Variants in FAM135A observed in about 807,000 individuals in gnomAD.
The protein encoded by FAM135A is family with sequence similarity 135 member A.
A neutral mutation model predicts 146.8 loss-of-function variants in FAM135A; 79 were observed. The ratio of observed to expected loss-of-function variants is 0.54; its 90% confidence interval spans 0.45 to 0.65. The LOEUF (loss-of-function observed/expected upper bound fraction) is 0.65, where lower values mean the gene tolerates loss of function less well. FAM135A is among the 30% of genes least tolerant of loss of function. FAM135A has a pLI of 0.00. For synonymous variants in FAM135A, 562 were observed against 603.6 expected, an observed-to-expected ratio of 0.93 and a Z score of 1.01; for missense variants, 1,623 against 1,758.2, an observed-to-expected ratio of 0.92 and a Z score of 1.38.
Position 70,475,534 on chromosome 6 carries a change from A to G in FAM135A, c.282A>G (p.Leu94=). The G allele has an allele frequency of 1.3e-6, 2 of 1,593,960 alleles. No individual in the cohort carries two copies. Among genetic ancestry groups the G allele is most frequent in the South Asian group, 1.2e-5 (1 of 86,540 alleles). The change falls in exon 6 of 22, where the codon CTA becomes CTG. Residue 94 remains leucine (L), a synonymous_variant. Transcript: ENST00000418814. ...TTATGATCTTCAAAGTAAAAATGCT[A>G]TTGGATGAAAGAAAGGTAAACATCT... ...NDVMIFKVKM[L]LDERKIEETL... is the part of the protein sequence containing the mutation.
chr6:70,505,493 C>T lies in FAM135A; in HGVS notation c.1029+2702C>T, dbSNP rs1011917866. On this transcript the variant is annotated intron_variant, in intron 12 of 21. Coordinates refer to ENST00000418814, the MANE Select transcript of FAM135A (RefSeq NM_001162529.3). The stretch of plus-strand genomic sequence containing the variant: ...CAGTTTGGGTTTGTATTATATTTCC[C>T]GGTGATTAGATTAAGATGACACAGT... 4.0e-5 allele frequency among the ~76,000 whole-genome samples: 6 copies of T among 151,640 alleles called. No individual in the cohort carries two copies. The East Asian group carries it at 7.7e-4, about 20-fold the overall frequency.
At chr6:70,417,294 G>C (rs1164978425) in intron 2 of FAM135A, among the ~76,000 whole-genome samples, 2 of 143,982 alleles carry the variant, frequency 1.4e-5, no homozygotes, top group African/African-American at 2.6e-5. Context: ...CCACTGTATT[G>C]CCTCTACCTC....
rs577120406 is a variant in FAM135A, at chr6:70,428,298, A to C, written c.-39-6A>C. On this transcript the variant is annotated splice_region_variant and splice_polypyrimidine_tract_variant and intron_variant, in intron 3 of 21. Transcript: ENST00000418814. Reference sequence around the variant, plus strand: ...TCTCATGATTTTTTCCCTTTCCTTAACAAAGGTGCTGTTATCAGAATAGTC... The same window carrying C: ...TCTCATGATTTTTTCCCTTTCCTTACCAAAGGTGCTGTTATCAGAATAGTC... 7.3e-7 allele frequency: 1 copy of C among 1,378,892 alleles called. No individual in the cohort carries two copies. Among genetic ancestry groups the C allele is most frequent in the East Asian group, 2.5e-5 (1 of 40,592 alleles). 85.4% of individuals were successfully genotyped at this position (1,378,892 alleles called of 1,614,324 possible).
rs746149310 is a variant in FAM135A, at chr6:70,481,022, C to T, written c.664C>T (p.Pro222Ser). The T allele has an allele frequency of 1.9e-6, 3 of 1,594,806 alleles. No homozygotes were observed. The Admixed American group carries it at 5.3e-5, about 28-fold the overall frequency. The change falls in exon 9 of 22, where the codon CCA (proline) becomes TCA (serine). Residue 222 changes from proline to serine, a missense_variant. Around this residue, in one of 7 missense-constraint regions of FAM135A, gnomAD observed 206 missense variants for 194.7 expected, o/e 1.06. Coordinates refer to ENST00000418814, the MANE Select transcript of FAM135A (RefSeq NM_001162529.3). ...FGINYTKQLS[P>S]DGCSFIIADS... ...TATTAACTACACAAAACAGTTATCA[C>T]CAGATGTAAGAACTGAATATGTTTA...
At chr6:70,481,733 A>G (rs1783740165) in intron 9 of FAM135A, among the ~76,000 whole-genome samples, 1 of 152,166 alleles carries the variant, frequency 6.6e-6, no homozygotes, top group Admixed American at 6.6e-5. Flanking sequence ...TCTGTCCTTC[A>G]GTCTAAATGT....
chr6:70,435,099 ATATATATATAT>A (rs1286269221), intron 4 of FAM135A, among the ~76,000 whole-genome samples: 4 of 118,110 alleles, frequency 3.4e-5, no homozygotes, highest in African/African-American at 1.3e-4. Flanking sequence ...ATATATATAT[ATATATATATAT>A]TTTTTTTTTT....
chr6:70,446,381 A>T (rs1775758485), intron 4 of FAM135A, among the ~76,000 whole-genome samples: 1 of 152,124 alleles, frequency 6.6e-6, no homozygotes, highest in South Asian at 2.1e-4. Flanking sequence ...TTTTGTTCAG[A>T]CCATCTGAAC....
chr6:70,526,173 GTACTGA>G lies in FAM135A; in HGVS notation c.3092_3097del (p.Thr1031_Asp1032del), dbSNP rs745843589. 5 of 1,613,352 alleles carry G rather than the reference GTACTGA, an allele frequency of 3.1e-6. No homozygotes were observed. On this transcript the variant is annotated inframe_deletion, in exon 15 of 22. Transcript: ENST00000418814. ...GGTACAAGTGATCCTTTTTCAGCCAGTACTGATATAGTAAAGCAAGGGCTTGTGGAA... is the reference window on the plus strand; with the variant it reads ...GGTACAAGTGATCCTTTTTCAGCCAGTATAGTAAAGCAAGGGCTTGTGGAA...
intron 2 of FAM135A, among the ~76,000 whole-genome samples, chr6:70,424,460 C>G (rs1303424631): frequency 6.6e-6 from 1 of 152,214 alleles, no homozygotes; most frequent in Non-Finnish European, 1.5e-5. Flanking sequence ...CACCCAACAT[C>G]TTTTGATGGC....
chr6:70,547,079 A>AT (rs1562021183), intron 20 of FAM135A, among the ~76,000 whole-genome samples: 1 of 152,174 alleles, frequency 6.6e-6, no homozygotes, highest in East Asian at 1.9e-4. Context: ...ATATATCCTT[A>AT]TTTTAAGATC....
Position 70,546,009 on chromosome 6 carries a change from C to T in FAM135A, c.4228+7608C>T, listed in dbSNP as rs112535034. Among the ~76,000 whole-genome samples the T allele has an allele frequency of 4.2e-3, 641 of 152,042 alleles. 4 individuals carry two copies. The highest frequency in any genetic ancestry group is 0.015 in the African/African-American group (605 of 41,430). ...TAAAATTACGTTGTAGAGATTGAAA[C>T]AAGTCTCTCGAACTATTTCATGTGG... is the stretch of plus-strand genomic sequence containing the variant. On this transcript the variant is annotated intron_variant, in intron 20 of 21. Transcript: ENST00000418814.
intron 12 of FAM135A, among the ~76,000 whole-genome samples, chr6:70,507,479 A>G (rs533656333): frequency 6.6e-6 from 1 of 152,194 alleles, no homozygotes; most frequent in Admixed American, 6.5e-5. Context: ...AGTCACAGAA[A>G]TAAACCTCTG....
intron 12 of FAM135A, among the ~76,000 whole-genome samples, chr6:70,517,135 A>G (rs1406145900): frequency 1.3e-5 from 2 of 152,184 alleles, no homozygotes; most frequent in East Asian, 1.9e-4. Flanking sequence ...ATATTTCGCA[A>G]GGTTTAGGCA....
chr6:70,501,010 G>C (rs1561923044), intron 11 of FAM135A, among the ~76,000 whole-genome samples: 1 of 152,222 alleles, frequency 6.6e-6, no homozygotes, highest in East Asian at 1.9e-4. Flanking sequence ...CTGGTGCACT[G>C]TGCTCAGAGA....
At chr6:70,552,567 C>G (rs1433729562) in intron 20 of FAM135A, among the ~76,000 whole-genome samples, 1 of 146,884 alleles carries the variant, frequency 6.8e-6, no homozygotes, top group Non-Finnish European at 1.5e-5. Context: ...CTTCTGGGTT[C>G]AAGCGATTTT....
chr6:70,548,941 A>G (rs1488812346), intron 20 of FAM135A, among the ~76,000 whole-genome samples: 2 of 151,992 alleles, frequency 1.3e-5, no homozygotes, highest in Admixed American at 1.3e-4. Context: ...ATTAAAAAAT[A>G]TATATATATG....
intron 10 of FAM135A, among the ~76,000 whole-genome samples, chr6:70,490,030 GGTT>G (rs759473211): frequency 2.6e-5 from 4 of 151,998 alleles, no homozygotes; most frequent in Middle Eastern, 3.2e-3. Flanking sequence ...ATTATACTGT[GGTT>G]GTGTTTTTAC....
intron 8 of FAM135A, 125 bp from the exon 9 acceptor site, chr6:70,480,776 C>T (rs1783543394): frequency 1.3e-6 from 1 of 799,388 alleles, no homozygotes; most frequent in African/African-American, 1.8e-5. Context: ...TTTAGGAGTA[C>T]TTTTGAACTT....
chr6:70,546,489 C>T (rs1798890115), intron 20 of FAM135A, among the ~76,000 whole-genome samples: 1 of 152,116 alleles, frequency 6.6e-6, no homozygotes, highest in African/African-American at 2.4e-5. Context: ...CAGTCTTTTT[C>T]TATGCAACAT....
Sources: allele counts gnomAD v4.1 joint callset (sites outside exome capture counted in the v4.1 genomes callset), GRCh38; gene constraint gnomAD v4.1.1; regional missense constraint gnomAD v4.1.1; transcripts MANE v1.5; gene names NCBI Gene and HGNC (gene_info 2026-07-23, HGNC 2026-07-21).